PKP2: variants seen among roughly 807,000 people sequenced by gnomAD.
PKP2 encodes plakophilin 2, also known as plakophilin-2.
In PKP2, 73 loss-of-function variants were observed where a neutral mutation model predicts 83.4. That is an observed-to-expected ratio of 0.88 (90% CI 0.72 to 1.06). The LOEUF (loss-of-function observed/expected upper bound fraction) is 1.06, where lower values mean the gene tolerates loss of function less well. PKP2 is among the 50% of genes least tolerant of loss of function. PKP2 has a pLI of 0.00. For missense variants in PKP2, 966 were observed against 1,065.4 expected, an observed-to-expected ratio of 0.91 and a Z score of 1.30; for synonymous variants, 409 against 430.4, an observed-to-expected ratio of 0.95 and a Z score of 0.62.
intron 3 of PKP2, among the ~76,000 whole-genome samples, chr12:32,871,008 C>T (rs1223407989): frequency 6.6e-6 from 1 of 152,128 alleles, no homozygotes; most frequent in Non-Finnish European, 1.5e-5. Context: ...GCAAGGTTTA[C>T]TACAGCTGTC....
chr12:32,895,950 C>A (rs1444675186), intron 1 of PKP2, among the ~76,000 whole-genome samples: 3 of 152,234 alleles, frequency 2.0e-5, no homozygotes, highest in African/African-American at 4.8e-5. Context: ...CTCCCTAGAT[C>A]CACCACTCGC....
chr12:32,794,074 C>T (rs1264797402), intron 11 of PKP2, among the ~76,000 whole-genome samples: 1 of 152,114 alleles, frequency 6.6e-6, no homozygotes, highest in African/African-American at 2.4e-5. Flanking sequence ...CCAGAGAGTG[C>T]AAAGATGTAC....
At chr12:32,798,571 T>A (rs1424174148) in intron 10 of PKP2, among the ~76,000 whole-genome samples, 2 of 151,020 alleles carry the variant, frequency 1.3e-5, no homozygotes, top group Non-Finnish European at 3.0e-5. Flanking sequence ...CATAGACCAA[T>A]GGAATAGAAT....
chr12:32,820,860 A>T (rs938775147), intron 9 of PKP2: 6 of 182,946 alleles, frequency 3.3e-5, no homozygotes, highest in Admixed American at 3.3e-4. Flanking sequence ...TAACAACACT[A>T]TTGGGAAAAT....
chr12:32,815,261 G>C (rs16920248), intron 9 of PKP2, among the ~76,000 whole-genome samples: 2 of 151,996 alleles, frequency 1.3e-5, no homozygotes, highest in Non-Finnish European at 2.9e-5. Flanking sequence ...ACTCTTCATC[G>C]CCTTCCGAAT....
At chr12:32,862,751 G>T (rs1956811807) in intron 4 of PKP2, among the ~76,000 whole-genome samples, 1 of 152,158 alleles carries the variant, frequency 6.6e-6, no homozygotes, top group South Asian at 2.1e-4. Context: ...GAGGACCCAA[G>T]TGGATCACTT....
At chr12:32,846,738 T>A (rs1254709630) in intron 5 of PKP2, among the ~76,000 whole-genome samples, 6 of 91,028 alleles carry the variant, frequency 6.6e-5, no homozygotes, top group African/African-American at 2.6e-4. Flanking sequence ...AGAATGAAAC[T>A]TCTTCTCAAA....
In PKP2 at chr12:32,851,466, A is replaced by G. The variant is rs115023878; in HGVS notation, c.1171-493T>C. The stretch of plus-strand genomic sequence containing the variant: ...TCAGCCTCAGTAGTAATGCAAACTA[A>G]CCCTAAATTCTTTTTTGTTTGAGAT... On this transcript the variant is annotated intron_variant, in intron 4 of 12. Transcript: ENST00000340811. Among the ~76,000 whole-genome samples the G allele has an allele frequency of 1.2e-3, 179 of 152,204 alleles. 1 individual carries two copies. Among genetic ancestry groups the G allele is most frequent in the African/African-American group, 4.1e-3 (171 of 41,534 alleles).
rs2137946218 is a variant in PKP2, at chr12:32,877,914, GCCGA to G, written c.962_965del (p.Val321AlafsTer30). The G allele has an allele frequency of 6.2e-7, 1 of 1,614,144 alleles. No homozygotes were observed. The highest frequency in any genetic ancestry group is 8.5e-7 in the Non-Finnish European group (1 of 1,179,996). On this transcript the variant is annotated frameshift_variant, in exon 3 of 13. Coordinates refer to ENST00000340811, the MANE Select transcript of PKP2 (RefSeq NM_001005242.3). LOFTEE classifies it high-confidence loss of function. Reference sequence around the variant, plus strand: ...TCCCACTTCCCCCTGCGGCCGCCTGGCCGACAGTCAAGTGCGCTCTCCTCCCGCT... The same window carrying G: ...TCCCACTTCCCCCTGCGGCCGCCTGGCAGTCAAGTGCGCTCTCCTCCCGCT...
chr12:32,881,514 A>G (rs1470843004), intron 1 of PKP2, among the ~76,000 whole-genome samples: 1 of 152,156 alleles, frequency 6.6e-6, no homozygotes. Context: ...CTTCTGCCTC[A>G]GCCTCCCTTA....
chr12:32,844,798 G>A (rs1234644308), intron 5 of PKP2, among the ~76,000 whole-genome samples: 2 of 152,260 alleles, frequency 1.3e-5, no homozygotes, highest in South Asian at 2.1e-4. Flanking sequence ...ACAGTCTTGG[G>A]CCATGCCCCA....
chr12:32,868,830 T>C (rs532415999), intron 4 of PKP2, 97 bp downstream of exon 4: 2 of 1,400,760 alleles, frequency 1.4e-6, no homozygotes, highest in East Asian at 2.3e-5. Flanking sequence ...TCCCAATTTT[T>C]AAAAATTTAA....
intron 6 of PKP2, among the ~76,000 whole-genome samples, chr12:32,837,072 T>C (rs1956550633): frequency 6.6e-6 from 1 of 152,234 alleles, no homozygotes; most frequent in South Asian, 2.1e-4. Context: ...TGCAGAGTTC[T>C]ACATGCACAG....
intron 5 of PKP2, among the ~76,000 whole-genome samples, chr12:32,844,373 T>C (rs1956627865): frequency 6.6e-6 from 1 of 152,112 alleles, no homozygotes; most frequent in African/African-American, 2.4e-5. Context: ...ACTCTTAATA[T>C]ATAGAATTTT....
chr12:32,868,930 C>T lies in PKP2; in HGVS notation c.1167G>A (p.Lys389=), dbSNP rs751778207. The stretch of plus-strand genomic sequence containing the variant: ...ATGGACTGAAGATGACACTCACCCT[C>T]TTCCGAGCTTCAGATTTCTGGAAGC... ...HECFQKSEAR[K]RVNQLRGILK... is the part of the protein sequence containing the mutation. The change falls in exon 4 of 13, where the codon AAG becomes AAA. Residue 389 remains lysine (K), a synonymous_variant. Transcript: ENST00000340811. 4 of 1,612,862 alleles carry T rather than the reference C, an allele frequency of 2.5e-6. No homozygotes were observed. The highest frequency in any genetic ancestry group is 2.2e-5 in the South Asian group (2 of 91,022).
intron 6 of PKP2, among the ~76,000 whole-genome samples, chr12:32,835,671 A>G (rs1006207107): frequency 9.9e-5 from 15 of 152,220 alleles, no homozygotes; most frequent in Admixed American, 9.8e-4. Flanking sequence ...TTTTAGAGAA[A>G]TATGCCTGTA....
intron 1 of PKP2, among the ~76,000 whole-genome samples, chr12:32,886,623 G>GT (rs1957032634): frequency 6.6e-6 from 1 of 152,136 alleles, no homozygotes; most frequent in Non-Finnish European, 1.5e-5. Flanking sequence ...AGAACAACCA[G>GT]ATATTGATGG....
chr12:32,823,665 G>A (rs553903752), intron 7 of PKP2, among the ~76,000 whole-genome samples: 15 of 151,108 alleles, frequency 9.9e-5, no homozygotes, highest in Non-Finnish European at 2.1e-4. Flanking sequence ...GGAGTGCAGT[G>A]GCGCAATCTC....
chr12:32,832,549 A>T (rs764167769), intron 6 of PKP2, among the ~76,000 whole-genome samples: 8 of 152,230 alleles, frequency 5.3e-5, no homozygotes, highest in Non-Finnish European at 1.2e-4. Flanking sequence ...ATGTTTACAC[A>T]TGAAACATAA....
Sources: gnomAD v4.1 joint callset for allele counts (sites outside exome capture counted in the v4.1 genomes callset) on GRCh38, gnomAD v4.1.1 for gene constraint, MANE v1.5 for transcripts, NCBI Gene and HGNC (gene_info 2026-07-23, HGNC 2026-07-21) for gene names.